The following ATXN1 variants were observed in gnomAD, a reference collection of about 807,000 sequenced individuals.
The protein encoded by ATXN1 is ataxin 1, also known as ataxin-1.
A neutral mutation model predicts 56.4 loss-of-function variants in ATXN1; 8 were observed. The observed-to-expected ratio is 0.14, with a 90% confidence interval of 0.08 to 0.26. ATXN1 has a LOEUF of 0.26. ATXN1 is among the 10% of genes least tolerant of loss of function. ATXN1 has a pLI of 1.00. For missense variants in ATXN1, 987 were observed against 1,106.5 expected (o/e 0.89, Z 1.53); for synonymous variants, 514 against 494.6 (o/e 1.04, Z -0.52).
chr6:16,575,632 G>T (rs1314363674), intron 4 of ATXN1, among the ~76,000 whole-genome samples: 1 of 152,178 alleles, frequency 6.6e-6, no homozygotes, highest in African/African-American at 2.4e-5. Context: ...CATTTGACAG[G>T]TTATCTTGAG....
At chr6:16,732,867 A>T (rs1760022191) in intron 2 of ATXN1, among the ~76,000 whole-genome samples, 1 of 152,250 alleles carries the variant, frequency 6.6e-6, no homozygotes, top group Admixed American at 6.5e-5. Context: ...AGTAAATTAA[A>T]AGTAACATAG....
At position 16,393,976 on chromosome 6, in the gene ATXN1, G is replaced by T. The variant is rs141545152; in HGVS notation, c.-160-65506C>A. ...CCTATGCTTGGTCCAAATATCATGG[G>T]TCTATGTTTCTGTGGTCTAAGACAC... On this transcript the variant is annotated intron_variant, in intron 6 of 7. Transcript: ENST00000436367. Among the ~76,000 whole-genome samples the T allele has an allele frequency of 6.6e-5, 10 of 151,622 alleles. No homozygotes were observed. The East Asian group carries it at 1.6e-3, about 24-fold the overall frequency.
In ATXN1 at chr6:16,401,573, G is replaced by A. The variant is rs144460392; in HGVS notation, c.-160-73103C>T. On this transcript the variant is annotated intron_variant, in intron 6 of 7. Transcript: ENST00000436367. Reference sequence around the variant, plus strand: ...AGTTGGGGCAGATGAAATGGTCTAAGGTTAGACAGCAACAAAAACAACTTT... The same window carrying A: ...AGTTGGGGCAGATGAAATGGTCTAAAGTTAGACAGCAACAAAAACAACTTT... Among the ~76,000 whole-genome samples the A allele has an allele frequency of 3.3e-5, 5 of 152,306 alleles. No individual in the cohort carries two copies. The East Asian group carries it at 9.6e-4, about 29-fold the overall frequency.
chr6:16,385,973 T>A (rs1758231865), intron 6 of ATXN1, among the ~76,000 whole-genome samples: 5 of 152,224 alleles, frequency 3.3e-5, no homozygotes, highest in Admixed American at 3.3e-4. Context: ...TTACTCTGGG[T>A]TAGGGTCTCT....
At chr6:16,340,034 G>A (rs774032989) in intron 6 of ATXN1, among the ~76,000 whole-genome samples, 1 of 152,170 alleles carries the variant, frequency 6.6e-6, no homozygotes, top group Non-Finnish European at 1.5e-5. Context: ...GCCCACCTCG[G>A]CCTCCCAAAG....
chr6:16,328,378 C>T lies in ATXN1; in HGVS notation c.-68G>A, dbSNP rs1469702210. 22 of 1,433,560 alleles carry T rather than the reference C, an allele frequency of 1.5e-5. No individual in the cohort carries two copies. Among genetic ancestry groups the T allele is most frequent in the South Asian group, 6.7e-5 (4 of 59,552 alleles). The allele number at this position is 1,433,560 out of a possible 1,614,324, so 88.8% of individuals were successfully genotyped here. On this transcript the variant is annotated 5_prime_UTR_variant, in exon 7 of 8. Coordinates refer to ENST00000436367, the MANE Select transcript of ATXN1 (RefSeq NM_001128164.2). The surrounding 1 kb of genome is among the most constrained non-coding windows in gnomAD (Gnocchi z 6.2). Reference sequence around the variant, plus strand: ...ATGGCTCTGATTTTAGTCTGATAAACGGAAAGTCACATTTGATTTCTGTAG... The same window carrying T: ...ATGGCTCTGATTTTAGTCTGATAAATGGAAAGTCACATTTGATTTCTGTAG...
chr6:16,713,321 G>C (rs1384168302), intron 2 of ATXN1, among the ~76,000 whole-genome samples: 1 of 152,170 alleles, frequency 6.6e-6, no homozygotes, highest in Non-Finnish European at 1.5e-5. Flanking sequence ...AGCTTTCTGA[G>C]ACATTCCTAT....
chr6:16,649,956 T>TC (rs1763865649), intron 3 of ATXN1, among the ~76,000 whole-genome samples: 1 of 151,956 alleles, frequency 6.6e-6, no homozygotes, highest in Admixed American at 6.6e-5. Context: ...GTTTTGTTTT[T>TC]TTTTTTCCTT....
intron 7 of ATXN1, among the ~76,000 whole-genome samples, chr6:16,313,558 ATTT>A (rs527792987): frequency 2.1e-5 from 3 of 143,592 alleles, no homozygotes; most frequent in Non-Finnish European, 1.5e-5. Context: ...CGTTAATGGA[ATTT>A]TTTTTTTTTT....
intron 2 of ATXN1, among the ~76,000 whole-genome samples, chr6:16,665,394 T>C (rs1758403625): frequency 6.6e-6 from 1 of 152,230 alleles, no homozygotes; most frequent in Non-Finnish European, 1.5e-5. Context: ...TTGACACATT[T>C]CATTACACAA....
intron 2 of ATXN1, chr6:16,667,209 C>T (rs1405410196): frequency 1.3e-5 from 2 of 152,216 alleles, no homozygotes; most frequent in East Asian, 3.9e-4. Context: ...AGATTGAGGA[C>T]TCCAACCTCC....
At chr6:16,465,516 G>T (rs1202969422) in intron 6 of ATXN1, among the ~76,000 whole-genome samples, 9 of 152,252 alleles carry the variant, frequency 5.9e-5, no homozygotes, top group Non-Finnish European at 1.3e-4. Flanking sequence ...ATGACTCCCA[G>T]GCAAGGTTTG....
chr6:16,387,165 G>A (rs1013585452), intron 6 of ATXN1, among the ~76,000 whole-genome samples: 3 of 152,160 alleles, frequency 2.0e-5, no homozygotes, highest in African/African-American at 4.8e-5. Context: ...TAGGAAGAGC[G>A]GGAGATCAAT....
At chr6:16,758,085 T>C (rs1422863618) in intron 1 of ATXN1, among the ~76,000 whole-genome samples, 3 of 152,260 alleles carry the variant, frequency 2.0e-5, no homozygotes, top group Admixed American at 6.5e-5. Context: ...TCACAGCCAA[T>C]AGATCCAAAT....
intron 6 of ATXN1, among the ~76,000 whole-genome samples, chr6:16,450,678 A>G (rs1759735747): frequency 6.6e-6 from 1 of 152,100 alleles, no homozygotes; most frequent in African/African-American, 2.4e-5. Context: ...ACATAAAACC[A>G]CCTCCATATG....
intron 4 of ATXN1, among the ~76,000 whole-genome samples, chr6:16,532,327 T>TC (rs1761520385): frequency 1.3e-5 from 2 of 152,296 alleles, no homozygotes; most frequent in South Asian, 4.1e-4. Context: ...CTGAACCTCG[T>TC]CCATGATAAG....
chr6:16,618,983 C>T (rs1036638519), intron 3 of ATXN1, among the ~76,000 whole-genome samples: 24 of 151,780 alleles, frequency 1.6e-4, no homozygotes, highest in Admixed American at 5.9e-4. Context: ...GCAATGAACA[C>T]GAATGGCCAA....
At chr6:16,632,550 G>A (rs1329099074) in intron 3 of ATXN1, among the ~76,000 whole-genome samples, 2 of 152,148 alleles carry the variant, frequency 1.3e-5, no homozygotes, top group African/African-American at 2.4e-5. Flanking sequence ...GCACAGCAGG[G>A]CCAGATCATG....
At chr6:16,373,640 T>C (rs1001205558) in intron 6 of ATXN1, among the ~76,000 whole-genome samples, 3 of 152,232 alleles carry the variant, frequency 2.0e-5, no homozygotes, top group African/African-American at 7.2e-5. Context: ...CATACTGTTC[T>C]CGTGGTAGTG....
Sources: gnomAD v4.1 joint callset for allele counts (sites outside exome capture counted in the v4.1 genomes callset) on GRCh38, gnomAD v4.1.1 for gene constraint, Gnocchi (gnomAD v3.1) non-coding constraint, MANE v1.5 for transcripts, NCBI Gene and HGNC (gene_info 2026-07-23, HGNC 2026-07-21) for gene names.